Variants in CD84 observed in about 807,000 individuals in gnomAD.
CD84 encodes the protein SLAM family member 5.
In CD84, 22 loss-of-function variants were observed where a neutral mutation model predicts 33.8. That is an observed-to-expected ratio of 0.65 (90% CI 0.46 to 0.93). The LOEUF (loss-of-function observed/expected upper bound fraction) is 0.93. Among genes scored for constraint, CD84 ranks in the 40% least tolerant of loss-of-function variants. The pLI, the probability that CD84 is intolerant of heterozygous loss-of-function variation, is 0.00. For synonymous variants in CD84, 154 were observed against 145.2 expected, an observed-to-expected ratio of 1.06 and a Z score of -0.44; for missense variants, 400 against 397.6, an observed-to-expected ratio of 1.01 and a Z score of -0.05.
Position 160,550,624 on chromosome 1 carries a change from C to T in CD84, c.858+314G>A, listed in dbSNP as rs1281895624. On this transcript the variant is annotated intron_variant, in intron 5 of 6. Coordinates refer to ENST00000368054, the MANE Select transcript of CD84 (RefSeq NM_003874.4). ...AGCAGCCCTCACCTCACTCCAGTAG[C>T]TCCTCTGTTGTGTGGCCCCTCTAGG... The T allele has an allele frequency of 3.5e-5, 34 of 985,252 alleles. No individual in the cohort carries two copies. In the South Asian group the frequency reaches 8.9e-4, roughly 26 times the overall value. 61.0% of individuals were successfully genotyped at this position (985,252 alleles called of 1,614,324 possible). A position where few individuals can be genotyped will look rare whatever the true frequency, so the allele number is the denominator to read the frequency against.
intron 2 of CD84, among the ~76,000 whole-genome samples, chr1:160,558,601 C>T (rs1182622407): frequency 6.6e-6 from 1 of 152,126 alleles, no homozygotes; most frequent in Non-Finnish European, 1.5e-5. Context: ...ACCACAATAC[C>T]TCTCCAGCAA....
intron 4 of CD84, 44 bp from the exon 5 acceptor site, chr1:160,551,079 T>G (rs1447275326): frequency 2.1e-6 from 3 of 1,400,656 alleles, no homozygotes; most frequent in Non-Finnish European, 3.0e-6. Context: ...TGAAAGGTGG[T>G]TTTTTTAGCA....
In CD84 at chr1:160,548,276, T is replaced by C. The variant is rs1655952720; in HGVS notation, c.967A>G (p.Ser323Gly). The C allele has an allele frequency of 1.2e-6, 2 of 1,614,196 alleles. No homozygotes were observed. Among genetic ancestry groups the C allele is most frequent in the Non-Finnish European group, 1.7e-6 (2 of 1,180,016 alleles). ...TQDSKPPGTSSYEIVI is the reference protein window; with the variant it reads ...TQDSKPPGTSGYEIVI The stretch of plus-strand genomic sequence containing the variant: ...GCAGCCTAGATCACAATTTCATAGC[T>C]TGAAGTCCCAGGAGGTTTACTGTCC... Residue 323 changes from serine to glycine, a missense_variant, in exon 7 of 7, where the codon AGC becomes GGC. Transcript: ENST00000368054.
At chr1:160,571,813 T>A (rs1041530180) in intron 1 of CD84, among the ~76,000 whole-genome samples, 6 of 152,136 alleles carry the variant, frequency 3.9e-5, no homozygotes, top group Admixed American at 2.6e-4. Flanking sequence ...GTCATCAATC[T>A]GCGTGTCTGT....
intron 4 of CD84, among the ~76,000 whole-genome samples, chr1:160,552,258 T>C (rs1656282355): frequency 6.6e-6 from 1 of 152,192 alleles, no homozygotes; most frequent in Middle Eastern, 3.2e-3. Context: ...CAATATCTCT[T>C]TGAGGGACCT....
At position 160,551,016 on chromosome 1, in the gene CD84, G is replaced by T. The variant is rs762365234; in HGVS notation, c.780C>A (p.Thr260=). The T allele has an allele frequency of 1.2e-6, 2 of 1,613,516 alleles. No individual in the cohort carries two copies. The highest frequency in any genetic ancestry group is 4.5e-5 in the East Asian group (2 of 44,888). The change falls in exon 5 of 7, where the codon ACC becomes ACA. Residue 260 remains threonine, a synonymous_variant. Coordinates refer to ENST00000368054, the MANE Select transcript of CD84 (RefSeq NM_003874.4). Reference sequence around the variant, plus strand: ...TTGAAGCCATGATATATGTGTATATGGTTTTCTTTGAGGCAGCATCTGTCT... The same window carrying T: ...TTGAAGCCATGATATATGTGTATATTGTTTTCTTTGAGGCAGCATCTGTCT... The part of the protein sequence containing the change: ...KRRQDAASKK[T]IYTYIMASRN...
Position 160,546,265 on chromosome 1 carries a change from G to A in CD84, c.*1991C>T, listed in dbSNP as rs1402839864. On this transcript the variant is annotated 3_prime_UTR_variant, in exon 7 of 7. Transcript: ENST00000368054. ...GGCCTCCCAAAGTGTTGGGATTACAGGCGTGAGCCACCACCCCAGCCGGCT... is the reference window on the plus strand; with the variant it reads ...GGCCTCCCAAAGTGTTGGGATTACAAGCGTGAGCCACCACCCCAGCCGGCT... The A allele has an allele frequency of 2.6e-5, 4 of 152,348 alleles. No homozygotes were observed. Among genetic ancestry groups the A allele is most frequent in the African/African-American group, 4.8e-5 (2 of 41,474 alleles). The allele number at this position is 152,348 out of a possible 1,614,324, so 9.4% of individuals were successfully genotyped here.
In CD84 at chr1:160,560,460, A is replaced by T. The variant is rs147683191; in HGVS notation, c.388+4944T>A. Among the ~76,000 whole-genome samples, 618 of 152,348 alleles carry T rather than the reference A, an allele frequency of 4.1e-3. 9 individuals are homozygous for T. Among genetic ancestry groups the T allele is most frequent in the East Asian group, 0.028 (143 of 5,190 alleles). ...TTGAAACTAATGAGAACAAAGAGAC[A>T]ATGTACCAGAATCTCTGCAAGGCAG... is the stretch of plus-strand genomic sequence containing the variant. On this transcript the variant is annotated intron_variant, in intron 2 of 6. Coordinates refer to ENST00000368054, the MANE Select transcript of CD84 (RefSeq NM_003874.4).
intron 1 of CD84, among the ~76,000 whole-genome samples, chr1:160,571,894 A>G (rs1657717466): frequency 6.6e-6 from 1 of 152,196 alleles, no homozygotes; most frequent in Non-Finnish European, 1.5e-5. Flanking sequence ...ACAGCACAAG[A>G]TACACAGGCT....
At chr1:160,550,798 C>T (rs1049200039) in intron 5 of CD84, 140 bp downstream of exon 5, 4 of 1,517,938 alleles carry the variant, frequency 2.6e-6, no homozygotes, top group African/African-American at 1.4e-5. Context: ...ACTTCCCTGA[C>T]ATGGTATTTC....
intron 2 of CD84, among the ~76,000 whole-genome samples, chr1:160,559,207 T>A (rs56149335): frequency 0.05 from 7,577 of 151,884 alleles, 643 homozygotes; most frequent in African/African-American, 0.17. Context: ...GAAATGAAAG[T>A]AAAAATGTTA....
rs1201808757 is a variant in CD84, at chr1:160,542,080, T to A, written c.*6176A>T. The A allele has an allele frequency of 6.6e-6, 1 of 152,204 alleles. No homozygotes were observed. Among genetic ancestry groups the A allele is most frequent in the Non-Finnish European group, 1.5e-5 (1 of 68,042 alleles). 9.4% of individuals were successfully genotyped at this position (152,204 alleles called of 1,614,324 possible). ...TTTTCTGCCTTGGGTAGCTGCTGAT[T>A]GGTGAAGCAGTGAAGAATAGCAGTT... On this transcript the variant is annotated 3_prime_UTR_variant, in exon 7 of 7. Transcript: ENST00000368054.
chr1:160,551,137 C>T (rs1407222438), intron 4 of CD84, 102 bp from the exon 5 acceptor site: 2 of 886,860 alleles, frequency 2.3e-6, no homozygotes, highest in Non-Finnish European at 3.7e-6. Context: ...AGGAAGCCCC[C>T]AGGGATTAAA....
Position 160,553,884 on chromosome 1 carries a change from G to A in CD84, c.640+11C>T. On this transcript the variant is annotated intron_variant, in intron 3 of 6. Coordinates refer to ENST00000368054, the MANE Select transcript of CD84 (RefSeq NM_003874.4). ...TGAGACTCACCAGGAGAGATGGGCA[G>A]AGCTGGTTACCTGCACAGAGCTGCC... The A allele has an allele frequency of 6.2e-7, 1 of 1,614,192 alleles. No individual in the cohort carries two copies. The highest frequency in any genetic ancestry group is 8.5e-7 in the Non-Finnish European group (1 of 1,180,024).
At chr1:160,550,077 C>A in intron 5 of CD84, 98 bp from the exon 6 acceptor site, 1 of 851,498 alleles carries the variant, frequency 1.2e-6, no homozygotes, top group East Asian at 2.5e-5. Context: ...TCCCTGGTCC[C>A]ACATTTACTG....
In CD84 at chr1:160,574,129, C is replaced by CTT. The variant is rs35717679; in HGVS notation, c.46+5261_46+5262dup. 3.2e-4 allele frequency among the ~76,000 whole-genome samples: 46 copies of CTT among 142,658 alleles called. 1 individual carries two copies. Among genetic ancestry groups the CTT allele is most frequent in the Non-Finnish European group, 4.6e-5 (3 of 65,100 alleles). 93.6% of individuals were successfully genotyped at this position (142,658 alleles called of 152,430 possible). On this transcript the variant is annotated intron_variant, in intron 1 of 6. Coordinates refer to ENST00000368054, the MANE Select transcript of CD84 (RefSeq NM_003874.4). The stretch of plus-strand genomic sequence containing the variant: ...CAAAAACAAACAAAAAAAAACAAAG[C>CTT]TTTTTTTTTTTTTGCAACTGACTCA...
intron 1 of CD84, among the ~76,000 whole-genome samples, chr1:160,574,494 T>A (rs1189851391): frequency 2.0e-5 from 3 of 152,108 alleles, no homozygotes; most frequent in African/African-American, 7.2e-5. Context: ...GGGTTCTAGT[T>A]GGTAAAAGAA....
chr1:160,563,900 C>T (rs988234338), intron 2 of CD84, among the ~76,000 whole-genome samples: 1 of 152,114 alleles, frequency 6.6e-6, no homozygotes, highest in Admixed American at 6.6e-5. Flanking sequence ...TGTCTAGAGG[C>T]TACCATAGTG....
In CD84 at chr1:160,554,077, A is replaced by C; in HGVS notation, c.458T>G (p.Leu153Arg). 1 of 1,614,186 alleles carries C rather than the reference A, an allele frequency of 6.2e-7. No individual in the cohort carries two copies. Among genetic ancestry groups the C allele is most frequent in the Non-Finnish European group, 8.5e-7 (1 of 1,180,026 alleles). The change falls in exon 3 of 7, where the codon CTG (leucine) becomes CGG (arginine). Residue 153 changes from leucine to arginine, a missense_variant. Physicochemically the swap from Leu to Arg is moderately radical, Grantham distance 102. Transcript: ENST00000368054. ...TTCTTCTTTCTCTACAGAGCATGTCAGTGTGACATTACAGGTGCTGTTCAC... is the reference window on the plus strand; with the variant it reads ...TTCTTCTTTCTCTACAGAGCATGTCCGTGTGACATTACAGGTGCTGTTCAC... ...ASVNSTCNVT[L>R]TCSVEKEEKN... is the part of the protein sequence containing the mutation.
Sources: gnomAD v4.1 joint callset for allele counts (sites outside exome capture counted in the v4.1 genomes callset) on GRCh38, gnomAD v4.1.1 for gene constraint, MANE v1.5 for transcripts, NCBI Gene and HGNC (gene_info 2026-07-23, HGNC 2026-07-21) for gene names.